The following PLEKHG4B variants were observed in gnomAD, a reference collection of about 807,000 sequenced individuals.
PLEKHG4B encodes the protein pleckstrin homology and RhoGEF domain containing G4B.
In PLEKHG4B, 111 loss-of-function variants were observed where a neutral mutation model predicts 121.3. The observed-to-expected ratio is 0.92, with a 90% CI of 0.78 to 1.07. The LOEUF is 1.07. Among genes scored for constraint, PLEKHG4B ranks in the 50% least tolerant of loss-of-function variants. The pLI is 0.00. For synonymous variants in PLEKHG4B, 738 were observed against 725.0 expected (o/e 1.02, Z -0.29); for missense variants, 1,831 against 1,757.8 (o/e 1.04, Z -0.74).
chr5:156,583 C>T lies in PLEKHG4B; in HGVS notation c.2349-190C>T, dbSNP rs370759716. Among the ~76,000 whole-genome samples the T allele has an allele frequency of 7.0e-4, 106 of 152,076 alleles. No individual in the cohort carries two copies. Among genetic ancestry groups the T allele is most frequent in the African/African-American group, 2.3e-3 (97 of 41,512 alleles). ...CCCTCCAGGCACCTGCAACCCAGGC[C>T]GGCCAGGATGTTGGCAGAACGCATG... is the stretch of plus-strand genomic sequence containing the variant. On this transcript the variant is annotated intron_variant, in intron 10 of 19. Transcript: ENST00000637938. The surrounding 1 kb of genome is among the most constrained non-coding windows in gnomAD (Gnocchi z 4.4).
intron 2 of PLEKHG4B, among the ~76,000 whole-genome samples, chr5:121,022 G>A (rs1465158537): frequency 1.2e-4 from 18 of 152,048 alleles, no homozygotes; most frequent in South Asian, 2.1e-4. Context: ...TGAGGCAGGC[G>A]GATCACGAGG....
chr5:171,111 C>T lies in PLEKHG4B; in HGVS notation c.3798C>T (p.Ser1266=). 1 of 1,613,398 alleles carries T rather than the reference C, an allele frequency of 6.2e-7. No homozygotes were observed. Among genetic ancestry groups the T allele is most frequent in the South Asian group, 1.1e-5 (1 of 91,024 alleles). Reference sequence around the variant, plus strand: ...CGCAGTCGGATGCCCTGCTCAGCAGCCATGGCAACGCCTTCTTCAAGGTCA... The same window carrying T: ...CGCAGTCGGATGCCCTGCTCAGCAGTCATGGCAACGCCTTCTTCAAGGTCA... ...NKPQSDALLS[S]HGNAFFKDKQ... Residue 1266 remains serine, a synonymous_variant, in exon 15 of 20, where the codon AGC becomes AGT. Transcript: ENST00000637938.
intron 2 of PLEKHG4B, among the ~76,000 whole-genome samples, chr5:134,463 A>G (rs1198450711): frequency 6.6e-6 from 1 of 151,984 alleles, no homozygotes; most frequent in African/African-American, 2.4e-5. Context: ...CGAAACACCT[A>G]TTGAAATTAA....
rs368731972 is a variant in PLEKHG4B at position 155,332 on chromosome 5, C to T, written c.2110-13C>T. The T allele has an allele frequency of 6.2e-7, 1 of 1,607,766 alleles. No individual in the cohort carries two copies. The highest frequency in any genetic ancestry group is 8.5e-7 in the Non-Finnish European group (1 of 1,174,170). ...TGTGTTCTTATAATCTCCTCCCTCT[C>T]AACTCACAACAGAGGCTGGAACACT... On this transcript the variant is annotated splice_polypyrimidine_tract_variant and intron_variant, in intron 8 of 19. Coordinates refer to ENST00000637938, the MANE Select transcript of PLEKHG4B (RefSeq NM_052909.5).
At chr5:108,355 T>C (rs1025399522) in intron 1 of PLEKHG4B, among the ~76,000 whole-genome samples, 1 of 152,206 alleles carries the variant, frequency 6.6e-6, no homozygotes, top group Non-Finnish European at 1.5e-5. Context: ...TTGTACCAAC[T>C]TCGGGCCAAC....
rs763401302 is a variant in PLEKHG4B at position 161,922 on chromosome 5, G to A, written c.2627G>A (p.Arg876His). 8.1e-6 allele frequency: 13 copies of A among 1,612,214 alleles called. No homozygotes were observed. The Admixed American group carries it at 1.2e-4, about 14-fold the overall frequency. ...GAGGGAGAGCTGGCCAGGTGGACCCGCTCGTCCGAGTTGTGCGAGACGGTA... is the reference window on the plus strand; with the variant it reads ...GAGGGAGAGCTGGCCAGGTGGACCCACTCGTCCGAGTTGTGCGAGACGGTA... ...CREGELARWTRSSELCETVSS... is the reference protein window; with the variant it reads ...CREGELARWTHSSELCETVSS... The change falls in exon 12 of 20, where the codon CGC becomes CAC. Residue 876 changes from arginine to histidine, a missense_variant. Arg to His is a conservative substitution (Grantham distance 29). Transcript: ENST00000637938.
At chr5:172,137 C>T (rs1247061207) in intron 16 of PLEKHG4B, among the ~76,000 whole-genome samples, 4 of 151,494 alleles carry the variant, frequency 2.6e-5, no homozygotes, top group East Asian at 1.9e-4. Context: ...AGGCCCATCT[C>T]GGGCCCCCAA....
chr5:100,346 C>A (rs1208235034), intron 1 of PLEKHG4B, among the ~76,000 whole-genome samples: 1 of 151,970 alleles, frequency 6.6e-6, no homozygotes, highest in Non-Finnish European at 1.5e-5. Context: ...GGAAAAAGGT[C>A]TGTAGGGGAA....
At position 92,168 on chromosome 5, in the gene PLEKHG4B, A is replaced by C. The variant is rs554101952; in HGVS notation, c.-64A>C. 90 of 363,348 alleles carry C rather than the reference A, an allele frequency of 2.5e-4. 2 individuals carry two copies. In the South Asian group the frequency reaches 5.2e-3, roughly 21 times the overall value. 22.5% of individuals were successfully genotyped at this position (363,348 alleles called of 1,614,324 possible). A position where few individuals can be genotyped will look rare whatever the true frequency, so the allele number is the denominator to read the frequency against. ...CGCGCGGCGAAGGCGGCCTCGGCCCAGTGCACAGCGGGACCAGGCAGAGTT... is the reference window on the plus strand; with the variant it reads ...CGCGCGGCGAAGGCGGCCTCGGCCCCGTGCACAGCGGGACCAGGCAGAGTT... On this transcript the variant is annotated 5_prime_UTR_variant, in exon 1 of 20. Transcript: ENST00000637938.
At chr5:115,784 C>T (rs1329628710) in intron 2 of PLEKHG4B, among the ~76,000 whole-genome samples, 2 of 152,212 alleles carry the variant, frequency 1.3e-5, no homozygotes, top group African/African-American at 4.8e-5. Context: ...CTCTCTCAGC[C>T]TTCATAGAAC....
intron 11 of PLEKHG4B, among the ~76,000 whole-genome samples, chr5:158,114 T>C (rs963240672): frequency 2.6e-5 from 4 of 152,166 alleles, no homozygotes; most frequent in African/African-American, 9.7e-5. Context: ...CAGTCCGGGC[T>C]GTCTCCAGTC....
At position 130,689 on chromosome 5, in the gene PLEKHG4B, GA is replaced by G. The variant is rs547178357; in HGVS notation, c.244-8790del. Among the ~76,000 whole-genome samples the G allele has an allele frequency of 7.4e-3, 1,124 of 152,288 alleles. 6 individuals carry two copies. The highest frequency in any genetic ancestry group is 0.011 in the Non-Finnish European group (773 of 68,012). ...AGTCGAGTGCCCTCATTTTAAATAA[GA>G]AAACTCTGGTTCTGACACTCTCCTT... On this transcript the variant is annotated intron_variant, in intron 2 of 19. Transcript: ENST00000637938.
At chr5:134,287 C>T (rs1734879348) in intron 2 of PLEKHG4B, among the ~76,000 whole-genome samples, 1 of 151,168 alleles carries the variant, frequency 6.6e-6, no homozygotes, top group African/African-American at 2.4e-5. Flanking sequence ...AATGCAAAGG[C>T]ATAAGAATAA....
In PLEKHG4B at chr5:184,712, G is replaced by C. The variant is rs1194300854; in HGVS notation, c.*2389G>C. ...AGCTGCACTTTTTTTTTCTCTAAACGGGAAATGGGTTAAAAGATGAGTGGC... is the reference window on the plus strand; with the variant it reads ...AGCTGCACTTTTTTTTTCTCTAAACCGGAAATGGGTTAAAAGATGAGTGGC... On this transcript the variant is annotated 3_prime_UTR_variant, in exon 20 of 20. Transcript: ENST00000637938. 12 of 152,098 alleles carry C rather than the reference G, an allele frequency of 7.9e-5. No homozygotes were observed. The highest frequency in any genetic ancestry group is 7.9e-4 in the Admixed American group (12 of 15,258). The allele number at this position is 152,098 out of a possible 1,614,324, so 9.4% of individuals were successfully genotyped here.
In PLEKHG4B at chr5:182,364, A is replaced by T; in HGVS notation, c.*41A>T. On this transcript the variant is annotated 3_prime_UTR_variant, in exon 20 of 20. Transcript: ENST00000637938. ...CAGTGCCCATCATGTGGCTAGAACA[A>T]TACAGAGGGAGCAGCACGCCAGGCC... The T allele has an allele frequency of 6.5e-7, 1 of 1,532,648 alleles. No individual in the cohort carries two copies. The highest frequency in any genetic ancestry group is 8.8e-7 in the Non-Finnish European group (1 of 1,139,710). 94.9% of individuals were successfully genotyped at this position (1,532,648 alleles called of 1,614,324 possible).
At chr5:123,159 G>T (rs1410752728) in intron 2 of PLEKHG4B, among the ~76,000 whole-genome samples, 5 of 151,906 alleles carry the variant, frequency 3.3e-5, no homozygotes, top group Admixed American at 3.3e-4. Context: ...TACTGTAGAT[G>T]ATTTTTTTCA....
chr5:104,771 C>T (rs897666569), intron 1 of PLEKHG4B, among the ~76,000 whole-genome samples: 1 of 152,234 alleles, frequency 6.6e-6, no homozygotes, highest in African/African-American at 2.4e-5. Context: ...CCGCTCAACT[C>T]AGATTAAAAG....
intron 1 of PLEKHG4B, among the ~76,000 whole-genome samples, chr5:103,755 T>C (rs1733890663): frequency 6.6e-6 from 1 of 152,226 alleles, no homozygotes; most frequent in Admixed American, 6.5e-5. Context: ...TACAGTAATC[T>C]ATACAACAAA....
chr5:124,511 C>T (rs1289968771), intron 2 of PLEKHG4B, among the ~76,000 whole-genome samples: 4 of 152,202 alleles, frequency 2.6e-5, no homozygotes, highest in African/African-American at 7.2e-5. Context: ...TATTGTAGAG[C>T]TGTCTGTGTC....
Sources: gnomAD v4.1 joint callset for allele counts (sites outside exome capture counted in the v4.1 genomes callset) on GRCh38, gnomAD v4.1.1 for gene constraint, Gnocchi (gnomAD v3.1) non-coding constraint, MANE v1.5 for transcripts, NCBI Gene and HGNC (gene_info 2026-07-23, HGNC 2026-07-21) for gene names.